CACNA1C: variants seen among roughly 807,000 people sequenced by gnomAD.
CACNA1C encodes the protein voltage-dependent L-type calcium channel subunit alpha-1C.
CACNA1C carries 30 observed loss-of-function variants against 229.0 expected under a neutral mutation model. That is an observed-to-expected ratio of 0.13 (90% CI 0.10 to 0.18). The LOEUF is 0.18. Ranked by LOEUF, CACNA1C falls within the 10% of genes least tolerant of loss-of-function variation. The probability of loss-of-function intolerance (pLI) is 1.00; values close to 1 mark genes in which losing one functional copy is unlikely to be tolerated. For synonymous variants in CACNA1C, 1,114 were observed against 1,132.5 expected, an observed-to-expected ratio of 0.98 and a Z score of 0.33; for missense variants, 1,658 against 2,845.0, an observed-to-expected ratio of 0.58 and a Z score of 9.49.
At chr12:2,667,599 A>G (rs1329389442) in intron 37 of CACNA1C, among the ~76,000 whole-genome samples, 1 of 152,226 alleles carries the variant, frequency 6.6e-6, no homozygotes, top group Non-Finnish European at 1.5e-5. Flanking sequence ...AATATCAGAA[A>G]AGAGCATAAA....
At chr12:2,312,207 T>C (rs2095474040) in intron 3 of CACNA1C, among the ~76,000 whole-genome samples, 1 of 152,168 alleles carries the variant, frequency 6.6e-6, no homozygotes, top group Admixed American at 6.5e-5. Context: ...CACTGAGAAA[T>C]GCTGATATGT....
At chr12:2,292,275 A>G (rs954919767) in intron 3 of CACNA1C, among the ~76,000 whole-genome samples, 5 of 152,242 alleles carry the variant, frequency 3.3e-5, no homozygotes, top group Non-Finnish European at 4.4e-5. Flanking sequence ...GGACAGGTCC[A>G]TCCTCTTGTG....
chr12:2,511,668 G>A (rs2099784341), intron 8 of CACNA1C, among the ~76,000 whole-genome samples: 1 of 152,020 alleles, frequency 6.6e-6, no homozygotes, highest in African/African-American at 2.4e-5. Flanking sequence ...ACTCCCCTAT[G>A]CCTATTTTGC....
At chr12:2,437,809 GA>G (rs1567676083) in intron 3 of CACNA1C, among the ~76,000 whole-genome samples, 9 of 151,452 alleles carry the variant, frequency 5.9e-5, no homozygotes, top group African/African-American at 2.2e-4. Flanking sequence ...GGATGGTGAT[GA>G]TGGTGGTGGT....
chr12:2,658,585 C>G, intron 34 of CACNA1C, among the ~76,000 whole-genome samples: 1 of 151,808 alleles, frequency 6.6e-6, no homozygotes, highest in African/African-American at 2.4e-5. Context: ...CTTTACTGCA[C>G]TATACTTTTA....
intron 1 of CACNA1C, among the ~76,000 whole-genome samples, chr12:2,012,322 A>G (rs550030452): frequency 3.3e-5 from 5 of 152,320 alleles, no homozygotes; most frequent in Admixed American, 3.3e-4. Context: ...TTGACAAATT[A>G]CAGCTCACAG....
chr12:2,332,377 A>G (rs895653064), intron 3 of CACNA1C, among the ~76,000 whole-genome samples: 4 of 152,242 alleles, frequency 2.6e-5, no homozygotes, highest in African/African-American at 9.6e-5. Flanking sequence ...AGAAAAAGGC[A>G]AGTGCCCTAT....
Position 2,666,785 on chromosome 12 carries a change from A to G in CACNA1C, c.4623+3A>G, listed in dbSNP as rs2096137135. 1.3e-6 allele frequency: 2 copies of G among 1,583,258 alleles called. No individual in the cohort carries two copies. Among genetic ancestry groups the G allele is most frequent in the Non-Finnish European group, 8.6e-7 (1 of 1,159,888 alleles). On this transcript the variant is annotated splice_donor_region_variant and intron_variant, in intron 37 of 46. Coordinates refer to ENST00000399655, the MANE Select transcript of CACNA1C (RefSeq NM_000719.7). This position sits in a 1 kb window ranked among gnomAD's most constrained non-coding sequence, Gnocchi z 5.3. ...GCCCTCACCGCGTGGCTTGCAAAGT[A>G]AGAGATAACGGGGTTCATGGGAGGG... is the stretch of plus-strand genomic sequence containing the variant.
chr12:2,256,523 T>C (rs1296071789), intron 3 of CACNA1C, among the ~76,000 whole-genome samples: 1 of 152,172 alleles, frequency 6.6e-6, no homozygotes, highest in African/African-American at 2.4e-5. Context: ...ATATAAAAGC[T>C]ATAATCCTGG....
intron 43 of CACNA1C, 45 bp from the exon 44 acceptor site, chr12:2,685,691 A>C: frequency 6.7e-7 from 1 of 1,498,148 alleles, no homozygotes; most frequent in Non-Finnish European, 9.3e-7. Context: ...GTGGGTGGCC[A>C]CTTCTCAGCC....
At chr12:2,200,599 C>T (rs1041829088) in intron 3 of CACNA1C, among the ~76,000 whole-genome samples, 1 of 152,166 alleles carries the variant, frequency 6.6e-6, no homozygotes, top group African/African-American at 2.4e-5. Context: ...GGGCAAGGCT[C>T]CTACTCCCAT....
chr12:2,431,148 G>A (rs533880870), intron 3 of CACNA1C, among the ~76,000 whole-genome samples: 1 of 152,214 alleles, frequency 6.6e-6, no homozygotes. Context: ...CTTTTCAGAA[G>A]TGGGGACCTT....
At position 2,403,032 on chromosome 12, in the gene CACNA1C, G is replaced by C. The variant is rs1484786713; in HGVS notation, c.478-45944G>C. Among the ~76,000 whole-genome samples the C allele has an allele frequency of 1.3e-5, 2 of 152,272 alleles. No homozygotes were observed. The highest frequency in any genetic ancestry group is 1.9e-4 in the East Asian group (1 of 5,188). Reference sequence around the variant, plus strand: ...ACAGATCATGAGGATCTTCAAGTTAGGGGCATTAGAATAGCACTGTGGGGC... The same window carrying C: ...ACAGATCATGAGGATCTTCAAGTTACGGGCATTAGAATAGCACTGTGGGGC... On this transcript the variant is annotated intron_variant, in intron 3 of 46. Coordinates refer to ENST00000399655, the MANE Select transcript of CACNA1C (RefSeq NM_000719.7). The surrounding 1 kb of genome is among the most constrained non-coding windows in gnomAD (Gnocchi z 4.1).
rs1375102219 is a variant in CACNA1C at position 2,630,224 on chromosome 12, C to T, written c.3829-4073C>T. On this transcript the variant is annotated intron_variant, in intron 29 of 46. Coordinates refer to ENST00000399655, the MANE Select transcript of CACNA1C (RefSeq NM_000719.7). This position sits in a 1 kb window ranked among gnomAD's most constrained non-coding sequence, Gnocchi z 5.4. ...AAGGGGCAACAGGTATAACCAGACT[C>T]CAGGTCAGACTGATTTCGTAAGACG... Among the ~76,000 whole-genome samples the T allele has an allele frequency of 6.6e-6, 1 of 152,194 alleles. No homozygotes were observed. Among genetic ancestry groups the T allele is most frequent in the Non-Finnish European group, 1.5e-5 (1 of 68,042 alleles).
intron 42 of CACNA1C, 66 bp from the exon 43 acceptor site, chr12:2,682,484 A>T (rs1210492555): frequency 2.5e-6 from 4 of 1,577,488 alleles, no homozygotes; most frequent in Non-Finnish European, 3.4e-6. Flanking sequence ...GTGATGCTTT[A>T]CTTGCTGAAG....
chr12:2,685,010 C>A (rs2153831187), intron 43 of CACNA1C, among the ~76,000 whole-genome samples: 1 of 152,228 alleles, frequency 6.6e-6, no homozygotes, highest in East Asian at 1.9e-4. Flanking sequence ...GCTGACCCAG[C>A]AGAGATTGTG....
At chr12:2,377,753 C>G (rs2098118807) in intron 3 of CACNA1C, among the ~76,000 whole-genome samples, 1 of 152,176 alleles carries the variant, frequency 6.6e-6, no homozygotes, top group South Asian at 2.1e-4. Context: ...GTGGCTGGCC[C>G]AAGTTCACAC....
chr12:2,465,212 A>G (rs2099542663), intron 5 of CACNA1C, among the ~76,000 whole-genome samples: 1 of 152,236 alleles, frequency 6.6e-6, no homozygotes, highest in South Asian at 2.1e-4. Context: ...AGAGGACAAG[A>G]TCATTCTCAA....
At chr12:2,307,692 A>G (rs2095152334) in intron 3 of CACNA1C, among the ~76,000 whole-genome samples, 1 of 152,170 alleles carries the variant, frequency 6.6e-6, no homozygotes, top group Non-Finnish European at 1.5e-5. Flanking sequence ...CTGAACCTGG[A>G]GCACTGAGAA....
Sources: gnomAD v4.1 joint callset for allele counts (sites outside exome capture counted in the v4.1 genomes callset) on GRCh38, gnomAD v4.1.1 for gene constraint, Gnocchi (gnomAD v3.1) non-coding constraint, MANE v1.5 for transcripts, NCBI Gene and HGNC (gene_info 2026-07-23, HGNC 2026-07-21) for gene names.